The following TBC1D21 variants were observed in gnomAD, a reference collection of about 807,000 sequenced individuals.
TBC1D21 encodes TBC1 domain family member 21, also known as male germ cell Rab GTPase-activating protein.
A neutral mutation model predicts 46.0 loss-of-function variants in TBC1D21; 38 were observed. That is an observed-to-expected ratio of 0.83 (90% CI 0.64 to 1.08). The LOEUF is 1.08. TBC1D21 is among the 50% of genes least tolerant of loss of function. The probability of loss-of-function intolerance (pLI) is 0.00; values close to 1 mark genes in which losing one functional copy is unlikely to be tolerated. For missense variants in TBC1D21, 415 were observed against 417.9 expected, an observed-to-expected ratio of 0.99 and a Z score of 0.06; for synonymous variants, 151 against 157.2, an observed-to-expected ratio of 0.96 and a Z score of 0.29.
chr15:73,901,490 C>T, the TBC1D21 span, among the ~76,000 whole-genome samples: 2 of 152,344 alleles, frequency 1.3e-5, no homozygotes. Context: ...TGTATTGTTT[C>T]CATGGCTGCT....
the TBC1D21 span, among the ~76,000 whole-genome samples, chr15:73,903,439 T>A: frequency 6.6e-6 from 1 of 152,182 alleles, no homozygotes; most frequent in Non-Finnish European, 1.5e-5. Flanking sequence ...ACTCAGAGGG[T>A]CCACAGGGGG....
the TBC1D21 span, among the ~76,000 whole-genome samples, chr15:73,898,384 T>C: frequency 6.6e-6 from 1 of 152,174 alleles, no homozygotes; most frequent in Admixed American, 6.5e-5. Context: ...TGTTTCACTG[T>C]GAAAAACCAT....
At chr15:73,887,523 G>A (rs978036191) in intron 8 of TBC1D21, 97 bp from the exon 9 acceptor site, 1 of 983,104 alleles carries the variant, frequency 1.0e-6, no homozygotes, top group Non-Finnish European at 1.6e-6. Flanking sequence ...CCCAGGAATG[G>A]CTGACTCCAG....
intron 3 of TBC1D21, among the ~76,000 whole-genome samples, 164 bp downstream of exon 3, chr15:73,881,911 G>A (rs1028651609): frequency 3.9e-5 from 6 of 152,076 alleles, no homozygotes; most frequent in East Asian, 1.9e-4. Flanking sequence ...CGGCCAGTTC[G>A]TGCCAGTGCC....
chr15:73,903,223 C>T, the TBC1D21 span, among the ~76,000 whole-genome samples: 26 of 152,356 alleles, frequency 1.7e-4, no homozygotes, highest in East Asian at 4.8e-3. Context: ...CAGGCTGCTG[C>T]CGCCTCCTGT....
downstream of TBC1D21, among the ~76,000 whole-genome samples, chr15:73,893,543 T>C (rs538148208): frequency 3.9e-5 from 6 of 152,194 alleles, no homozygotes; most frequent in African/African-American, 9.7e-5. Flanking sequence ...TCTGGCTACA[T>C]TGAATGACCC....
the TBC1D21 span, among the ~76,000 whole-genome samples, chr15:73,900,093 T>C: frequency 6.6e-6 from 1 of 152,168 alleles, no homozygotes; most frequent in Non-Finnish European, 1.5e-5. Context: ...GTGGGTTTGC[T>C]TCTCCCTCCT....
At chr15:73,909,086 T>C in the TBC1D21 span, among the ~76,000 whole-genome samples, 5,371 of 152,242 alleles carry the variant, frequency 0.035, 337 homozygotes, top group African/African-American at 0.12. Flanking sequence ...AAAATCCATG[T>C]AAAGGCCAGG....
At chr15:73,908,055 T>C in the TBC1D21 span, 1 of 152,372 alleles carries the variant, frequency 6.6e-6, no homozygotes, top group Admixed American at 6.5e-5. Context: ...AGTGGCTTTA[T>C]TGAGATGTAC....
rs112420215 is a variant in TBC1D21 at position 73,881,767 on chromosome 15, G to T, written c.272+20G>T. The T allele has an allele frequency of 2.2e-3, 3,564 of 1,605,494 alleles. 55 individuals are homozygous for T. In the African/African-American group the frequency reaches 0.041, roughly 18 times the overall value. On this transcript the variant is annotated intron_variant, in intron 3 of 10. Coordinates refer to ENST00000300504, the MANE Select transcript of TBC1D21 (RefSeq NM_153356.3). ...GAGGAGGTAGAACACTCCAGACCCT[G>T]CTGGGACAGGAGGGGGGCCTGCAGG...
chr15:73,877,043 G>A (rs1322117312), intron 1 of TBC1D21, among the ~76,000 whole-genome samples: 1 of 152,130 alleles, frequency 6.6e-6, no homozygotes, highest in Non-Finnish European at 1.5e-5. Context: ...TGTGGTCTCA[G>A]TTCCCTGATC....
chr15:73,893,407 G>A (rs1198171781), downstream of TBC1D21, among the ~76,000 whole-genome samples: 1 of 152,322 alleles, frequency 6.6e-6, no homozygotes, highest in Admixed American at 6.5e-5. Context: ...CCAAAACTTG[G>A]TCCTGAGCCA....
intron 6 of TBC1D21, among the ~76,000 whole-genome samples, chr15:73,885,388 A>G (rs746736156): frequency 7.9e-5 from 12 of 152,036 alleles, no homozygotes; most frequent in Non-Finnish European, 1.6e-4. Flanking sequence ...CTCTCCTGGC[A>G]TTTTCTTCCC....
chr15:73,874,021 T>C (rs1251257117), intron 1 of TBC1D21, among the ~76,000 whole-genome samples: 1 of 152,222 alleles, frequency 6.6e-6, no homozygotes, highest in Non-Finnish European at 1.5e-5. Flanking sequence ...GAGTTGTAGG[T>C]TTGCAGGTGC....
chr15:73,886,951 G>T (rs1305076222), intron 8 of TBC1D21, among the ~76,000 whole-genome samples: 1 of 152,028 alleles, frequency 6.6e-6, no homozygotes, highest in East Asian at 1.9e-4. Flanking sequence ...TTCCCCAGCT[G>T]TCCCCCCAAC....
At chr15:73,884,078 G>A in intron 3 of TBC1D21, 73 bp from the exon 4 acceptor site, 2 of 1,267,060 alleles carry the variant, frequency 1.6e-6, no homozygotes, top group Non-Finnish European at 2.3e-6. Context: ...GGGCCTGGTA[G>A]CTGCAGCTGC....
At chr15:73,880,944 A>T (rs540867993) in intron 1 of TBC1D21, among the ~76,000 whole-genome samples, 5 of 152,336 alleles carry the variant, frequency 3.3e-5, no homozygotes, top group Admixed American at 3.3e-4. Flanking sequence ...GTATTATTAT[A>T]ATATATAACG....
chr15:73,889,264 T>C, downstream of TBC1D21: 1 of 804,880 alleles, frequency 1.2e-6, no homozygotes, highest in Non-Finnish European at 2.0e-6. Context: ...GGGACGCACA[T>C]GAGGGCTGAG....
At chr15:73,904,411 T>C in the TBC1D21 span, among the ~76,000 whole-genome samples, 2 of 152,242 alleles carry the variant, frequency 1.3e-5, no homozygotes, top group Non-Finnish European at 2.9e-5. Context: ...CCTCTTCCAA[T>C]TCTGCATTCA....
Sources: gnomAD v4.1 joint callset for allele counts (sites outside exome capture counted in the v4.1 genomes callset) on GRCh38, gnomAD v4.1.1 for gene constraint, MANE v1.5 for transcripts, NCBI Gene and HGNC (gene_info 2026-07-23, HGNC 2026-07-21) for gene names.